Variants in FBP1 observed in about 807,000 individuals in gnomAD.
FBP1 encodes fructose-1,6-bisphosphatase 1.
In FBP1, 22 loss-of-function variants were observed where a neutral mutation model predicts 29.9. That is an observed-to-expected ratio of 0.74 (90% confidence interval 0.53 to 1.05). The LOEUF (loss-of-function observed/expected upper bound fraction) is 1.05, where lower values mean the gene tolerates loss of function less well. Ranked by LOEUF, FBP1 falls within the 50% of genes least tolerant of loss-of-function variation. The pLI is 0.00. For missense variants in FBP1, 345 were observed against 448.2 expected (o/e 0.77, Z 2.08); for synonymous variants, 175 against 178.6 (o/e 0.98, Z 0.16).
intron 3 of FBP1, among the ~76,000 whole-genome samples, chr9:94,615,972 C>T (rs1035929893): frequency 4.6e-5 from 7 of 152,130 alleles, no homozygotes; most frequent in East Asian, 1.9e-4. Flanking sequence ...GGACTACAGG[C>T]GCCCGCCACC....
At chr9:94,636,477 C>A (rs1021837277) in intron 1 of FBP1, among the ~76,000 whole-genome samples, 1 of 151,836 alleles carries the variant, frequency 6.6e-6, no homozygotes, top group Non-Finnish European at 1.5e-5. Context: ...GACTCTATCT[C>A]AAAATAAATA....
intron 1 of FBP1, among the ~76,000 whole-genome samples, chr9:94,624,508 C>T (rs1827995561): frequency 6.6e-6 from 1 of 151,968 alleles, no homozygotes; most frequent in South Asian, 2.1e-4. Context: ...TAAAAATTAG[C>T]TGGGCGTGGT....
At chr9:94,624,091 T>C (rs1827985786) in intron 1 of FBP1, among the ~76,000 whole-genome samples, 1 of 151,404 alleles carries the variant, frequency 6.6e-6, no homozygotes, top group Non-Finnish European at 1.5e-5. Flanking sequence ...ATCCCAGCAC[T>C]TTGGGAGGCC....
At chr9:94,604,342 C>G (rs1244100726) in intron 6 of FBP1, among the ~76,000 whole-genome samples, 2 of 152,218 alleles carry the variant, frequency 1.3e-5, no homozygotes, top group South Asian at 4.2e-4. Flanking sequence ...GTTGATATGC[C>G]CGAGGCAGCT....
At chr9:94,622,551 G>A (rs986702227) in intron 1 of FBP1, among the ~76,000 whole-genome samples, 3 of 152,190 alleles carry the variant, frequency 2.0e-5, no homozygotes, top group South Asian at 2.1e-4. Flanking sequence ...TGCCTGGTCC[G>A]GCCTGACTAT....
In FBP1 at chr9:94,603,313, A is replaced by G; in HGVS notation, c.*68T>C. On this transcript the variant is annotated 3_prime_UTR_variant, in exon 7 of 7. Coordinates refer to ENST00000375326, the MANE Select transcript of FBP1 (RefSeq NM_000507.4). ...AGGAATGTAAGGTGCACAGCAGGTC[A>G]GGGTACTGCTGTGTGAGACAAAAGG... The G allele has an allele frequency of 8.2e-7, 1 of 1,217,908 alleles. No individual in the cohort carries two copies. The allele number at this position is 1,217,908 out of a possible 1,614,324, so 75.4% of individuals were successfully genotyped here. A position where few individuals can be genotyped will look rare whatever the true frequency, so the allele number is the denominator to read the frequency against.
intron 2 of FBP1, 65 bp from the exon 3 acceptor site, chr9:94,617,925 A>T: frequency 8.2e-7 from 1 of 1,216,932 alleles, no homozygotes. Context: ...AGGAGTATAC[A>T]TTAGGGGCTA....
chr9:94,610,618 C>G (rs1312584339), intron 3 of FBP1, among the ~76,000 whole-genome samples: 1 of 152,190 alleles, frequency 6.6e-6, no homozygotes. Flanking sequence ...CAGATGCTGT[C>G]CAGTGTTTTA....
At chr9:94,630,089 A>AATG (rs1374388767) in intron 1 of FBP1, among the ~76,000 whole-genome samples, 1 of 152,226 alleles carries the variant, frequency 6.6e-6, no homozygotes, top group Non-Finnish European at 1.5e-5. Flanking sequence ...GGCACATCTG[A>AATG]ATGTGCCTCT....
At chr9:94,608,525 C>T (rs1230951701) in intron 4 of FBP1, among the ~76,000 whole-genome samples, 1 of 152,224 alleles carries the variant, frequency 6.6e-6, no homozygotes, top group African/African-American at 2.4e-5. Context: ...CCCGGCAAAT[C>T]ACAGTCAGCA....
rs28369734 is a variant in FBP1 at position 94,609,432 on chromosome 9, G to A, written c.567+489C>T. On this transcript the variant is annotated intron_variant, in intron 4 of 6. Coordinates refer to ENST00000375326, the MANE Select transcript of FBP1 (RefSeq NM_000507.4). ...CCATCAGGTCCATAAATGCATTTTAGTTGGCCAACATAGTGTTGCACACAT... is the reference window on the plus strand; with the variant it reads ...CCATCAGGTCCATAAATGCATTTTAATTGGCCAACATAGTGTTGCACACAT... 8.6e-3 allele frequency among the ~76,000 whole-genome samples: 1,313 copies of A among 152,276 alleles called. 21 individuals are homozygous for A. The highest frequency in any genetic ancestry group is 0.03 in the African/African-American group (1,229 of 41,554).
chr9:94,624,974 C>T (rs868731117), intron 1 of FBP1, among the ~76,000 whole-genome samples: 7 of 152,208 alleles, frequency 4.6e-5, no homozygotes, highest in African/African-American at 1.7e-4. Context: ...GCCAGCCCCA[C>T]CACCCAGAGA....
chr9:94,637,366 T>C (rs1828206973), intron 1 of FBP1, among the ~76,000 whole-genome samples: 1 of 151,194 alleles, frequency 6.6e-6, no homozygotes, highest in African/African-American at 2.4e-5. Context: ...AGCAGGGTTG[T>C]ATTTGTTCAG....
chr9:94,607,180 G>A (rs1050539044), intron 4 of FBP1, among the ~76,000 whole-genome samples: 1 of 152,172 alleles, frequency 6.6e-6, no homozygotes, highest in Non-Finnish European at 1.5e-5. Flanking sequence ...AGACACTTTC[G>A]ACTTTGTTTG....
chr9:94,615,903 C>T (rs965032360), intron 3 of FBP1, among the ~76,000 whole-genome samples: 2 of 151,146 alleles, frequency 1.3e-5, no homozygotes, highest in Non-Finnish European at 2.9e-5. Flanking sequence ...TCTTGGCTCA[C>T]TGCAACCTCC....
intron 1 of FBP1, among the ~76,000 whole-genome samples, chr9:94,630,398 G>A (rs1281656466): frequency 1.3e-5 from 2 of 152,124 alleles, no homozygotes. Flanking sequence ...CAAACTTAGC[G>A]TTAGACAAAT....
rs1245694089 is a variant in FBP1 at position 94,603,825 on chromosome 9, GAC to G, written c.826-255_826-254del. On this transcript the variant is annotated intron_variant, in intron 6 of 6. Transcript: ENST00000375326. ...AATAGATTACCTGATGCAAATGTGA[GAC>G]AGACCACCTGCATACTGGACAGAAT... 3.0e-5 allele frequency: 16 copies of G among 533,808 alleles called. No individual in the cohort carries two copies. In the African/African-American group the frequency reaches 3.0e-4, roughly 10 times the overall value. The allele number at this position is 533,808 out of a possible 1,614,324, so 33.1% of individuals were successfully genotyped here. A position where few individuals can be genotyped will look rare whatever the true frequency, so the allele number is the denominator to read the frequency against.
rs376526412 is a variant in FBP1, at chr9:94,634,065, G to A, written c.170+5076C>T. On this transcript the variant is annotated intron_variant, in intron 1 of 6. Coordinates refer to ENST00000375326, the MANE Select transcript of FBP1 (RefSeq NM_000507.4). Reference sequence around the variant, plus strand: ...TCCCAGGACTTTGGGAGGCCGGGGCGGGCAGATCACCTGAGGTCAGGAGTT... The same window carrying A: ...TCCCAGGACTTTGGGAGGCCGGGGCAGGCAGATCACCTGAGGTCAGGAGTT... 3.3e-5 allele frequency among the ~76,000 whole-genome samples: 5 copies of A among 150,750 alleles called. No homozygotes were observed. The East Asian group carries it at 6.2e-4, about 19-fold the overall frequency.
intron 3 of FBP1, among the ~76,000 whole-genome samples, chr9:94,610,594 A>G (rs1261954174): frequency 6.6e-6 from 1 of 152,248 alleles, no homozygotes; most frequent in African/African-American, 2.4e-5. Flanking sequence ...CCCCAGAGTC[A>G]TTATGGGGTA....
Sources: gnomAD v4.1 joint callset for allele counts (sites outside exome capture counted in the v4.1 genomes callset) on GRCh38, gnomAD v4.1.1 for gene constraint, MANE v1.5 for transcripts, NCBI Gene and HGNC (gene_info 2026-07-23, HGNC 2026-07-21) for gene names.